LSM1: variants seen among roughly 807,000 people sequenced by gnomAD.
LSM1 encodes the protein U6 snRNA-associated Sm-like protein LSm1.
Under a neutral mutation model 18.0 loss-of-function variants are expected in LSM1, and 13 were observed. The observed-to-expected ratio is 0.72, with a 90% confidence interval of 0.47 to 1.15. LSM1 has a LOEUF of 1.15. LSM1 is among the 50% of genes most tolerant of loss of function. LSM1 has a pLI of 0.00. For missense variants in LSM1, 152 were observed against 157.7 expected (o/e 0.96, Z 0.19); for synonymous variants, 46 against 56.0 (o/e 0.82, Z 0.80).
chr8:38,173,795 A>T (rs912451973), intron 1 of LSM1, among the ~76,000 whole-genome samples: 1 of 152,246 alleles, frequency 6.6e-6, no homozygotes, highest in Non-Finnish European at 1.5e-5. Flanking sequence ...AAAGACATCA[A>T]GATTAGAGAA....
intron 1 of LSM1, 56 bp from the exon 2 acceptor site, chr8:38,172,089 T>C (rs1803039372): frequency 8.2e-7 from 1 of 1,213,288 alleles, no homozygotes; most frequent in Non-Finnish European, 1.2e-6. Context: ...AGCGAGTATT[T>C]AGGATAATAA....
At chr8:38,163,989 T>G (rs1297715968) in intron 3 of LSM1, 149 bp from the exon 4 acceptor site, 3 of 679,046 alleles carry the variant, frequency 4.4e-6, no homozygotes, top group Non-Finnish European at 7.5e-6. Context: ...GACCGGTAAG[T>G]TTTTCAAAGA....
intron 1 of LSM1, among the ~76,000 whole-genome samples, chr8:38,174,125 A>T (rs1803075933): frequency 6.6e-6 from 1 of 152,224 alleles, no homozygotes; most frequent in African/African-American, 2.4e-5. Flanking sequence ...TAATGTAAGT[A>T]GTCTATTGAA....
intron 1 of LSM1, among the ~76,000 whole-genome samples, chr8:38,175,211 G>C (rs948418717): frequency 2.0e-5 from 3 of 151,234 alleles, no homozygotes; most frequent in Admixed American, 6.6e-5. Context: ...CTCCCGAGTA[G>C]CTGGGATTAC....
chr8:38,169,749 G>A, intron 3 of LSM1, 53 bp downstream of exon 3: 1 of 1,048,320 alleles, frequency 9.5e-7, no homozygotes, highest in Admixed American at 1.9e-5. Flanking sequence ...AAAAAAAGAA[G>A]TCTAACTAGC....
intron 1 of LSM1, among the ~76,000 whole-genome samples, chr8:38,173,455 T>A (rs182961368): frequency 6.6e-5 from 10 of 150,720 alleles, no homozygotes; most frequent in Admixed American, 2.6e-4. Context: ...AAGCTGAGGG[T>A]GTGAAGGGAA....
Position 38,164,655 on chromosome 8 carries a change from A to C in LSM1, c.232-815T>G, listed in dbSNP as rs180730521. On this transcript the variant is annotated intron_variant, in intron 3 of 3. Coordinates refer to ENST00000311351, the MANE Select transcript of LSM1 (RefSeq NM_014462.3). ...TGGGCAACACAGTGAGACCCTAACT[A>C]ACTCCACCAAAAAACAAAACAAAAA... is the stretch of plus-strand genomic sequence containing the variant. 4.9e-4 allele frequency among the ~76,000 whole-genome samples: 74 copies of C among 149,502 alleles called. 1 individual carries two copies. Among genetic ancestry groups the C allele is most frequent in the South Asian group, 2.1e-4 (1 of 4,666 alleles).
chr8:38,174,812 C>G (rs1392047714), intron 1 of LSM1, among the ~76,000 whole-genome samples: 1 of 151,914 alleles, frequency 6.6e-6, no homozygotes, highest in African/African-American at 2.4e-5. Flanking sequence ...CACCTGAGGT[C>G]AGGAGTTGGA....
intron 3 of LSM1, 92 bp downstream of exon 3, chr8:38,169,710 A>T: frequency 1.4e-6 from 1 of 704,998 alleles, no homozygotes; most frequent in Non-Finnish European, 2.4e-6. Context: ...ATAAATGTGG[A>T]GAATATTTTT....
At chr8:38,164,642 T>A (rs1429102091) in intron 3 of LSM1, among the ~76,000 whole-genome samples, 2 of 148,510 alleles carry the variant, frequency 1.3e-5, no homozygotes, top group Admixed American at 1.3e-4. Flanking sequence ...GGCAACACAG[T>A]GAGACCCTAA....
At chr8:38,163,875 A>T (rs1802883067) in intron 3 of LSM1, 35 bp from the exon 4 acceptor site, 6 of 1,594,804 alleles carry the variant, frequency 3.8e-6, no homozygotes, top group Non-Finnish European at 3.4e-6. Flanking sequence ...CTTCACCTGA[A>T]GACCAAGAAT....
At chr8:38,171,913 G>A (rs375154190) in intron 2 of LSM1, 52 bp downstream of exon 2, 39 of 1,325,894 alleles carry the variant, frequency 2.9e-5, no homozygotes, top group Admixed American at 6.0e-5. Context: ...AAAATGCAAT[G>A]GGCTGCTGTT....
intron 3 of LSM1, among the ~76,000 whole-genome samples, chr8:38,164,448 T>C (rs1451333040): frequency 3.3e-5 from 5 of 151,998 alleles, no homozygotes; most frequent in African/African-American, 7.2e-5. Context: ...GGGCTGCTTA[T>C]AGACAGCTAT....
At chr8:38,169,755 C>T (rs1292335828) in intron 3 of LSM1, 47 bp downstream of exon 3, 1 of 1,109,374 alleles carries the variant, frequency 9.0e-7, no homozygotes, top group Non-Finnish European at 1.4e-6. Context: ...AGAAGTCTAA[C>T]TAGCATGAAT....
intron 3 of LSM1, among the ~76,000 whole-genome samples, chr8:38,164,561 G>C (rs1282154321): frequency 2.7e-5 from 4 of 150,890 alleles, no homozygotes; most frequent in African/African-American, 9.8e-5. Context: ...GTGGCTCACA[G>C]TCGTAATCCC....
At chr8:38,171,016 G>C (rs1393453980) in intron 2 of LSM1, 2 of 432,544 alleles carry the variant, frequency 4.6e-6, no homozygotes, top group Non-Finnish European at 9.4e-6. Flanking sequence ...GAAGTTCCTT[G>C]AAACAGAAGG....
rs76634925 is a variant in LSM1, at chr8:38,176,138, G to C, written c.46+137C>G. 4.5e-3 allele frequency: 2,974 copies of C among 663,860 alleles called. 40 individuals carry two copies. The highest frequency in any genetic ancestry group is 0.012 in the East Asian group (420 of 35,036). The allele number at this position is 663,860 out of a possible 1,614,324, so 41.1% of individuals were successfully genotyped here. On this transcript the variant is annotated intron_variant, in intron 1 of 3. Coordinates refer to ENST00000311351, the MANE Select transcript of LSM1 (RefSeq NM_014462.3). ...GTGTACCGCAGCTGTGGAGGACATC[G>C]ACGCGGAACGCCCGGATTGAGCTCA...
At position 38,176,455 on chromosome 8, in the gene LSM1, C is replaced by G; in HGVS notation, c.-135G>C. 2.9e-6 allele frequency: 2 copies of G among 693,060 alleles called. No individual in the cohort carries two copies. The highest frequency in any genetic ancestry group is 2.4e-6 in the Non-Finnish European group (1 of 408,236). The allele number at this position is 693,060 out of a possible 1,614,324, so 42.9% of individuals were successfully genotyped here. On this transcript the variant is annotated 5_prime_UTR_variant, in exon 1 of 4. Coordinates refer to ENST00000311351, the MANE Select transcript of LSM1 (RefSeq NM_014462.3). The stretch of plus-strand genomic sequence containing the variant: ...ACCGAGACCAGCACTTCTGCCCCGG[C>G]TTTCAGCCGCCGGGGGCTGCCGGAA...
chr8:38,165,860 A>G (rs980241627), intron 3 of LSM1, among the ~76,000 whole-genome samples: 3 of 152,134 alleles, frequency 2.0e-5, no homozygotes, highest in Admixed American at 2.0e-4. Flanking sequence ...AGCCTAGATA[A>G]CAAAGTGAGA....
Sources: allele counts gnomAD v4.1 joint callset (sites outside exome capture counted in the v4.1 genomes callset), GRCh38; gene constraint gnomAD v4.1.1; transcripts MANE v1.5; gene names NCBI Gene and HGNC (gene_info 2026-07-23, HGNC 2026-07-21).